Variants in ADI1 observed in about 807,000 individuals in gnomAD.
The protein encoded by ADI1 is acireductone dioxygenase.
In ADI1, 21 loss-of-function variants were observed where a neutral mutation model predicts 18.7. That is an observed-to-expected ratio of 1.13 (90% CI 0.80 to 1.62). The LOEUF is 1.62. Ranked by LOEUF, ADI1 falls within the 40% of genes most tolerant of loss-of-function variation. ADI1 has a pLI of 0.00. For synonymous variants in ADI1, 90 were observed against 100.1 expected (o/e 0.90, Z 0.60); for missense variants, 245 against 254.9 (o/e 0.96, Z 0.26).
intron 2 of ADI1, among the ~76,000 whole-genome samples, chr2:3,509,286 A>G (rs1415164436): frequency 1.3e-5 from 2 of 152,212 alleles, no homozygotes; most frequent in African/African-American, 4.8e-5. Flanking sequence ...GAAAATCAGT[A>G]AAGATATAGT....
At chr2:3,519,327 C>T (rs762955726) in intron 1 of ADI1, 41 bp downstream of exon 1, 3 of 1,349,000 alleles carry the variant, frequency 2.2e-6, no homozygotes, top group African/African-American at 1.5e-5. Context: ...GTTTGGGGGT[C>T]GGCGTCGCCC....
intron 2 of ADI1, among the ~76,000 whole-genome samples, chr2:3,504,671 C>T (rs1312207522): frequency 1.3e-5 from 2 of 152,162 alleles, no homozygotes; most frequent in Admixed American, 1.3e-4. Context: ...GGTTCACCTG[C>T]GTATGTTTGT....
At chr2:3,501,122 G>GA (rs35008570) in intron 2 of ADI1, 129 bp from the exon 3 acceptor site, 278,949 of 717,848 alleles carry the variant, frequency 0.39, 61,260 homozygotes, top group African/African-American at 0.81. Flanking sequence ...CCATAAAAAT[G>GA]AAACTACACT....
chr2:3,512,702 A>C (rs1368080342), intron 2 of ADI1, among the ~76,000 whole-genome samples: 4 of 152,192 alleles, frequency 2.6e-5, no homozygotes, highest in South Asian at 4.1e-4. Flanking sequence ...CAGGGTAGAA[A>C]CCCTCATGGA....
chr2:3,510,940 A>G (rs543903840), intron 2 of ADI1, among the ~76,000 whole-genome samples: 5 of 152,248 alleles, frequency 3.3e-5, no homozygotes, highest in African/African-American at 1.2e-4. Context: ...TGAGATCAGA[A>G]TTACTCTGAT....
chr2:3,518,249 G>A (rs1667450831), intron 1 of ADI1, among the ~76,000 whole-genome samples: 1 of 152,178 alleles, frequency 6.6e-6, no homozygotes, highest in African/African-American at 2.4e-5. Context: ...TGTTATTTAG[G>A]ATAGAACAAG....
intron 2 of ADI1, among the ~76,000 whole-genome samples, chr2:3,512,620 A>C (rs996900717): frequency 6.6e-6 from 1 of 152,228 alleles, no homozygotes; most frequent in African/African-American, 2.4e-5. Context: ...GCAAGGGTTG[A>C]GGCTTGGGAT....
intron 1 of ADI1, among the ~76,000 whole-genome samples, chr2:3,518,883 G>A (rs957995442): frequency 2.6e-5 from 4 of 152,218 alleles, no homozygotes; most frequent in African/African-American, 9.6e-5. Flanking sequence ...CAATCCCGGA[G>A]CTGCGCGTGC....
At position 3,513,954 on chromosome 2, in the gene ADI1, T is replaced by C; in HGVS notation, c.143A>G (p.Asn48Ser). 1 of 1,610,122 alleles carries C rather than the reference T, an allele frequency of 6.2e-7. No individual in the cohort carries two copies. The highest frequency in any genetic ancestry group is 8.5e-7 in the Non-Finnish European group (1 of 1,179,242). Residue 48 changes from asparagine to serine, a missense_variant, in exon 2 of 4, where the codon AAT (asparagine) becomes AGT (serine). Physicochemically the swap from Asn to Ser is conservative, Grantham distance 46. Transcript: ENST00000327435. ...TCGGATCTTTTCTAATTCTGGATCA[T>C]TCTCATATTTGTCAGCATCCAGCTA... ...YWKLDADKYE[N>S]DPELEKIRRE...
At chr2:3,504,110 G>T (rs1008782509) in intron 2 of ADI1, among the ~76,000 whole-genome samples, 5 of 152,138 alleles carry the variant, frequency 3.3e-5, no homozygotes, top group African/African-American at 9.7e-5. Context: ...AAAAGAAAAG[G>T]AACTTCCCCA....
chr2:3,515,284 T>C (rs1207883652), intron 1 of ADI1: 1 of 155,932 alleles, frequency 6.4e-6, no homozygotes, highest in Non-Finnish European at 1.4e-5. Flanking sequence ...AAGGAATGCA[T>C]TTCTGGGGGG....
chr2:3,507,099 T>C (rs185029123), intron 2 of ADI1, among the ~76,000 whole-genome samples: 29 of 152,310 alleles, frequency 1.9e-4, no homozygotes, highest in Admixed American at 1.4e-3. Context: ...AGAAGTTTAA[T>C]TGACTCACAA....
Position 3,519,462 on chromosome 2 carries a change from T to C in ADI1, c.26A>G (p.Asp9Gly). Residue 9 changes from aspartate (D) to glycine (G), a missense_variant, in exon 1 of 4, where the codon GAC becomes GGC. By Grantham distance (94) the Asp-to-Gly change is moderately conservative. Transcript: ENST00000327435. ...GGGTTGCCGCGGGTCGCCCGGGGCG[T>C]CGTCCATATACCAGGCCTGCACCAT... MVQAWYMDDAPGDPRQPHR... is the reference protein window; with the variant it reads MVQAWYMDGAPGDPRQPHR... 7.4e-7 allele frequency: 1 copy of C among 1,353,918 alleles called. No individual in the cohort carries two copies. Among genetic ancestry groups the C allele is most frequent in the Non-Finnish European group, 9.5e-7 (1 of 1,057,156 alleles). 83.9% of individuals were successfully genotyped at this position (1,353,918 alleles called of 1,614,324 possible). A position where few individuals can be genotyped will look rare whatever the true frequency, so the allele number is the denominator to read the frequency against.
intron 3 of ADI1, among the ~76,000 whole-genome samples, chr2:3,499,718 G>A (rs547864317): frequency 2.5e-4 from 38 of 152,268 alleles, no homozygotes; most frequent in African/African-American, 8.4e-4. Flanking sequence ...AGCATGTCCA[G>A]CGCCAGAGTA....
Position 3,519,442 on chromosome 2 carries a change from G to A in ADI1, c.46C>T (p.Gln16Ter). 2.2e-6 allele frequency: 3 copies of A among 1,359,134 alleles called. No homozygotes were observed. Among genetic ancestry groups the A allele is most frequent in the Non-Finnish European group, 2.8e-6 (3 of 1,061,416 alleles). The allele number at this position is 1,359,134 out of a possible 1,614,324, so 84.2% of individuals were successfully genotyped here. A position where few individuals can be genotyped will look rare whatever the true frequency, so the allele number is the denominator to read the frequency against. The change falls in exon 1 of 4, where the codon CAA (glutamine) becomes TAA (stop). Residue 16 changes from glutamine (Q) to a stop codon, truncating the protein, a stop_gained. Coordinates refer to ENST00000327435, the MANE Select transcript of ADI1 (RefSeq NM_018269.4). LOFTEE classifies it high-confidence loss of function. ...CGGCCGGGGTCGGGGCGGTGGGGTTGCCGCGGGTCGCCCGGGGCGTCGTCC... is the reference window on the plus strand; with the variant it reads ...CGGCCGGGGTCGGGGCGGTGGGGTTACCGCGGGTCGCCCGGGGCGTCGTCC... ...YMDDAPGDPR[Q>*]PHRPDPGRPV...
rs1667345955 is a variant in ADI1, at chr2:3,513,995, CA to C, written c.121-20del. The stretch of plus-strand genomic sequence containing the variant: ...CATCCAGCTAAAAGAGTTAACCCAC[CA>C]AAAACAAGAGCTCAGATTAACAAGG... On this transcript the variant is annotated intron_variant, in intron 1 of 3. Transcript: ENST00000327435. 6.3e-7 allele frequency: 1 copy of C among 1,578,632 alleles called. No individual in the cohort carries two copies. The highest frequency in any genetic ancestry group is 8.6e-7 in the Non-Finnish European group (1 of 1,169,442).
rs200334838 is a variant in ADI1 at position 3,503,494 on chromosome 2, T to TAC, written c.241-2503_241-2502dup. On this transcript the variant is annotated intron_variant, in intron 2 of 3. Transcript: ENST00000327435. ...GTGTGCATTCACACTCATGCACACG[T>TAC]ACACACACACGCCTACATTCACACA... is the stretch of plus-strand genomic sequence containing the variant. 2.4e-4 allele frequency among the ~76,000 whole-genome samples: 12 copies of TAC among 49,676 alleles called. 2 individuals are homozygous for TAC. The highest frequency in any genetic ancestry group is 1.6e-3 in the Admixed American group (9 of 5,630). 32.6% of individuals were successfully genotyped at this position (49,676 alleles called of 152,430 possible).
rs1667506845 is a variant in ADI1, at chr2:3,519,402, T to C, written c.86A>G (p.Glu29Gly). ...RPDPGRPVGLEQLRRLGVLYW... is the reference protein window; with the variant it reads ...RPDPGRPVGLGQLRRLGVLYW... ...GAGCACCCCGAGCCGCCGCAGCTGCTCCAGGCCCACTGGGCGGCCGGGGTC... is the reference window on the plus strand; with the variant it reads ...GAGCACCCCGAGCCGCCGCAGCTGCCCCAGGCCCACTGGGCGGCCGGGGTC... Residue 29 changes from glutamate to glycine, a missense_variant, in exon 1 of 4, where the codon GAG (glutamate) becomes GGG (glycine). By Grantham distance (98) the Glu-to-Gly change is moderately conservative (BLOSUM62 -2). Transcript: ENST00000327435. 2.8e-6 allele frequency: 4 copies of C among 1,407,106 alleles called. No individual in the cohort carries two copies. Among genetic ancestry groups the C allele is most frequent in the Admixed American group, 3.4e-5 (1 of 29,406 alleles). 87.2% of individuals were successfully genotyped at this position (1,407,106 alleles called of 1,614,324 possible). A position where few individuals can be genotyped will look rare whatever the true frequency, so the allele number is the denominator to read the frequency against.
At chr2:3,508,124 G>A (rs773271474) in intron 2 of ADI1, among the ~76,000 whole-genome samples, 1 of 152,002 alleles carries the variant, frequency 6.6e-6, no homozygotes, top group Non-Finnish European at 1.5e-5. Context: ...TACGAGGTCA[G>A]GAGATCGAGA....
Sources: allele counts gnomAD v4.1 joint callset (sites outside exome capture counted in the v4.1 genomes callset), GRCh38; gene constraint gnomAD v4.1.1; transcripts MANE v1.5; gene names NCBI Gene and HGNC (gene_info 2026-07-23, HGNC 2026-07-21).